DNER: variants seen among roughly 807,000 people sequenced by gnomAD.
DNER encodes delta/notch like EGF repeat containing.
Under a neutral mutation model 78.2 loss-of-function variants are expected in DNER, and 33 were observed. That is an observed-to-expected ratio of 0.42 (90% CI 0.32 to 0.56). The LOEUF is 0.56. Ranked by LOEUF, DNER falls within the 20% of genes least tolerant of loss-of-function variation. The pLI is 0.11. For missense variants in DNER, 918 were observed against 975.3 expected, an observed-to-expected ratio of 0.94 and a Z score of 0.78; for synonymous variants, 417 against 384.8, an observed-to-expected ratio of 1.08 and a Z score of -0.98.
intron 6 of DNER, among the ~76,000 whole-genome samples, chr2:229,507,176 C>T (rs542125037): frequency 1.3e-4 from 20 of 152,306 alleles, no homozygotes; most frequent in African/African-American, 3.6e-4. Context: ...ATTGTTTACG[C>T]ATGTCTAAAT....
At chr2:229,675,685 C>T (rs1250231202) in intron 1 of DNER, among the ~76,000 whole-genome samples, 1 of 152,186 alleles carries the variant, frequency 6.6e-6, no homozygotes, top group Non-Finnish European at 1.5e-5. Flanking sequence ...GAGGAAATGA[C>T]CCACAGGCTC....
chr2:229,568,771 A>G (rs62192056), intron 4 of DNER, among the ~76,000 whole-genome samples: 29,850 of 152,026 alleles, frequency 0.2, 3,208 homozygotes, highest in Non-Finnish European at 0.24. Flanking sequence ...TATGTTGCCC[A>G]GGCTGGCCTT....
At chr2:229,555,518 T>C (rs1696840066) in intron 4 of DNER, among the ~76,000 whole-genome samples, 1 of 152,200 alleles carries the variant, frequency 6.6e-6, no homozygotes, top group African/African-American at 2.4e-5. Flanking sequence ...AGCTCTACCA[T>C]GTCCATCTGT....
intron 8 of DNER, among the ~76,000 whole-genome samples, chr2:229,445,519 G>A (rs1694322346): frequency 6.6e-6 from 1 of 152,232 alleles, no homozygotes; most frequent in Admixed American, 6.5e-5. Flanking sequence ...ATGAAGGTGT[G>A]TTTTAGATGA....
Position 229,656,344 on chromosome 2 carries a change from C to T in DNER, c.276+57804G>A, listed in dbSNP as rs769962867. ...GGACATGTTTCTTGACCTCTCTGTA[C>T]CTCAAGGTCATCTCTAAAAAGGTGA... On this transcript the variant is annotated intron_variant, in intron 1 of 12. Coordinates refer to ENST00000341772, the MANE Select transcript of DNER (RefSeq NM_139072.4). 1.1e-3 allele frequency among the ~76,000 whole-genome samples: 169 copies of T among 152,236 alleles called. 1 individual carries two copies. The highest frequency in any genetic ancestry group is 6.8e-3 in the Middle Eastern group (2 of 294).
intron 1 of DNER, among the ~76,000 whole-genome samples, chr2:229,697,145 A>C (rs1368643471): frequency 6.6e-6 from 1 of 152,260 alleles, no homozygotes; most frequent in African/African-American, 2.4e-5. Context: ...ATATATGAAC[A>C]ATGGAATAGT....
At chr2:229,412,903 G>A (rs1693553701) in intron 9 of DNER, among the ~76,000 whole-genome samples, 1 of 152,142 alleles carries the variant, frequency 6.6e-6, no homozygotes, top group Admixed American at 6.6e-5. Flanking sequence ...GAATTTTCCT[G>A]AAACCTCTTT....
chr2:229,387,256 C>T (rs531089022), intron 11 of DNER, among the ~76,000 whole-genome samples: 8 of 152,142 alleles, frequency 5.3e-5, no homozygotes, highest in South Asian at 2.1e-4. Flanking sequence ...TGTTCTCACT[C>T]ATAAGTGGGA....
At chr2:229,438,207 T>C (rs1327108275) in intron 8 of DNER, among the ~76,000 whole-genome samples, 1 of 152,232 alleles carries the variant, frequency 6.6e-6, no homozygotes, top group African/African-American at 2.4e-5. Flanking sequence ...TGCGCTTCTC[T>C]GTGCTGGGAA....
Position 229,692,342 on chromosome 2 carries a change from G to T in DNER, c.276+21806C>A, listed in dbSNP as rs139604251. ...TTAGTGCATGCATATTTAAGATACT[G>T]TATATCTACTTAATAAAAACCCAAA... On this transcript the variant is annotated intron_variant, in intron 1 of 12. Coordinates refer to ENST00000341772, the MANE Select transcript of DNER (RefSeq NM_139072.4). 7.9e-3 allele frequency among the ~76,000 whole-genome samples: 1,207 copies of T among 152,260 alleles called. 18 individuals are homozygous for T. The highest frequency in any genetic ancestry group is 0.027 in the African/African-American group (1,118 of 41,538).
chr2:229,709,663 C>T (rs1253398873), intron 1 of DNER, among the ~76,000 whole-genome samples: 4 of 152,166 alleles, frequency 2.6e-5, no homozygotes, highest in Non-Finnish European at 5.9e-5. Context: ...GTAAATTTAA[C>T]TTGCATGAAA....
chr2:229,621,582 C>G (rs1200841934), intron 1 of DNER, among the ~76,000 whole-genome samples: 1 of 150,822 alleles, frequency 6.6e-6, no homozygotes, highest in African/African-American at 2.4e-5. Context: ...TTTTTTTAAC[C>G]TGGAACCATG....
chr2:229,547,991 A>C (rs1696658021), intron 4 of DNER, among the ~76,000 whole-genome samples: 1 of 152,232 alleles, frequency 6.6e-6, no homozygotes, highest in South Asian at 2.1e-4. Context: ...TCTAATTTTT[A>C]ATTTTAAAAC....
At chr2:229,554,672 G>A (rs922351126) in intron 4 of DNER, among the ~76,000 whole-genome samples, 2 of 151,966 alleles carry the variant, frequency 1.3e-5, no homozygotes, top group Non-Finnish European at 2.9e-5. Context: ...CTGGGTGACG[G>A]AGTAAGGCTC....
chr2:229,640,901 C>A (rs1163221631), intron 1 of DNER, among the ~76,000 whole-genome samples: 1 of 152,068 alleles, frequency 6.6e-6, no homozygotes, highest in African/African-American at 2.4e-5. Context: ...GTAGGTGCAG[C>A]AGAATGTCCA....
intron 8 of DNER, among the ~76,000 whole-genome samples, chr2:229,434,174 C>T (rs1172856227): frequency 1.3e-5 from 2 of 152,332 alleles, no homozygotes; most frequent in African/African-American, 2.4e-5. Flanking sequence ...ATGCAGACCA[C>T]GATTATCTTT....
chr2:229,395,127 G>A (rs1693106144), intron 10 of DNER, among the ~76,000 whole-genome samples: 1 of 152,138 alleles, frequency 6.6e-6, no homozygotes, highest in East Asian at 1.9e-4. Context: ...TACCTGATCT[G>A]TTTGGTTTTT....
rs778018791 is a variant in DNER at position 229,477,104 on chromosome 2, A to G, written c.1261+36T>C. Reference sequence around the variant, plus strand: ...TCAAATTAGTTTATGATTTAAAATGAAAAAAGTTCTTTCTGGAGTAATAAA... The same window carrying G: ...TCAAATTAGTTTATGATTTAAAATGGAAAAAGTTCTTTCTGGAGTAATAAA... On this transcript the variant is annotated intron_variant, in intron 7 of 12. Transcript: ENST00000341772. 3.2e-6 allele frequency: 5 copies of G among 1,551,272 alleles called. No individual in the cohort carries two copies. In the Admixed American group the frequency reaches 8.6e-5, roughly 27 times the overall value.
intron 1 of DNER, among the ~76,000 whole-genome samples, chr2:229,664,950 T>A (rs923659515): frequency 2.6e-5 from 4 of 152,196 alleles, no homozygotes; most frequent in African/African-American, 9.7e-5. Flanking sequence ...AACTTCAGCA[T>A]TCTTTATCAT....
Sources: gnomAD v4.1 joint callset for allele counts (sites outside exome capture counted in the v4.1 genomes callset) on GRCh38, gnomAD v4.1.1 for gene constraint, MANE v1.5 for transcripts, NCBI Gene and HGNC (gene_info 2026-07-23, HGNC 2026-07-21) for gene names.